The following RCSD1 variants were observed in gnomAD, a reference collection of about 807,000 sequenced individuals.
RCSD1 encodes the protein RCSD domain containing 1.
A neutral mutation model predicts 42.5 loss-of-function variants in RCSD1; 26 were observed. That is an observed-to-expected ratio of 0.61 (90% CI 0.45 to 0.85). The LOEUF (loss-of-function observed/expected upper bound fraction) is 0.85. Ranked by LOEUF, RCSD1 falls within the 40% of genes least tolerant of loss-of-function variation. RCSD1 has a pLI of 0.00. For missense variants in RCSD1, 571 were observed against 528.3 expected (o/e 1.08, Z -0.79); for synonymous variants, 220 against 212.2 (o/e 1.04, Z -0.32).
chr1:167,700,326 G>C (rs935027433), intron 6 of RCSD1, among the ~76,000 whole-genome samples: 1 of 152,120 alleles, frequency 6.6e-6, no homozygotes, highest in Non-Finnish European at 1.5e-5. Context: ...TAAGTTGTTA[G>C]GCAGAGGTGC....
rs78272044 is a variant in RCSD1 at position 167,708,265 on chromosome 1, G to A, written c.*3569G>A. ...TTCCCCAAAGTGAAATCAGGGTGCT[G>A]TTACCAAAAGAAGCTATGCTGGCAG... On this transcript the variant is annotated 3_prime_UTR_variant, in exon 7 of 7. Transcript: ENST00000367854. 8.4e-3 allele frequency among the ~76,000 whole-genome samples: 1,275 copies of A among 152,306 alleles called. 24 individuals are homozygous for A. The highest frequency in any genetic ancestry group is 0.03 in the African/African-American group (1,234 of 41,556).
At chr1:167,637,806 C>T (rs1657899945) in intron 1 of RCSD1, among the ~76,000 whole-genome samples, 1 of 152,112 alleles carries the variant, frequency 6.6e-6, no homozygotes, top group South Asian at 2.1e-4. Context: ...CAGCCCCGCT[C>T]ATTCCTTCCA....
intron 1 of RCSD1, among the ~76,000 whole-genome samples, chr1:167,673,639 T>C (rs921214831): frequency 6.6e-6 from 1 of 152,272 alleles, no homozygotes; most frequent in African/African-American, 2.4e-5. Context: ...ATATAGCTAA[T>C]GAGTTCTGGA....
At chr1:167,659,018 G>T (rs1483824772) in intron 1 of RCSD1, among the ~76,000 whole-genome samples, 1 of 152,126 alleles carries the variant, frequency 6.6e-6, no homozygotes, top group Non-Finnish European at 1.5e-5. Flanking sequence ...ATCAATATAT[G>T]AGGGTTCCTT....
At chr1:167,689,647 G>A (rs1017098991) in intron 3 of RCSD1, among the ~76,000 whole-genome samples, 1 of 152,116 alleles carries the variant, frequency 6.6e-6, no homozygotes, top group African/African-American at 2.4e-5. Context: ...GTTTCTTGTT[G>A]TGTGTGTGAC....
chr1:167,650,427 T>G (rs919630261), intron 1 of RCSD1, among the ~76,000 whole-genome samples: 5 of 152,168 alleles, frequency 3.3e-5, no homozygotes, highest in African/African-American at 1.2e-4. Context: ...GAGGCCAGGC[T>G]GGGCCAGGCC....
At chr1:167,668,802 A>C (rs927269975) in intron 1 of RCSD1, among the ~76,000 whole-genome samples, 6 of 150,736 alleles carry the variant, frequency 4.0e-5, no homozygotes, top group Non-Finnish European at 5.9e-5. Flanking sequence ...ATGGTGGGGA[A>C]GGGGAGCTTC....
chr1:167,641,787 T>A (rs754556629), intron 1 of RCSD1: 6 of 152,136 alleles, frequency 3.9e-5, no homozygotes, highest in Admixed American at 6.5e-5. Context: ...AGAGGGGACA[T>A]AAATGAAAGA....
intron 1 of RCSD1, among the ~76,000 whole-genome samples, chr1:167,632,762 C>A (rs1370210688): frequency 7.1e-6 from 1 of 141,170 alleles, no homozygotes; most frequent in Non-Finnish European, 1.6e-5. Context: ...TTTCTTTGTC[C>A]AAATGCCTGG....
chr1:167,649,029 A>G (rs955232846), intron 1 of RCSD1, among the ~76,000 whole-genome samples: 2 of 152,170 alleles, frequency 1.3e-5, no homozygotes, highest in Non-Finnish European at 2.9e-5. Context: ...AGTGATTGAA[A>G]CAGTTTGGTT....
At chr1:167,635,413 TG>T (rs1469553114) in intron 1 of RCSD1, among the ~76,000 whole-genome samples, 1 of 152,090 alleles carries the variant, frequency 6.6e-6, no homozygotes, top group Non-Finnish European at 1.5e-5. Context: ...AGGGGGAATT[TG>T]GGGAGTGAGA....
chr1:167,681,093 C>A (rs555527031), intron 1 of RCSD1, among the ~76,000 whole-genome samples: 1 of 152,354 alleles, frequency 6.6e-6, no homozygotes, highest in East Asian at 1.9e-4. Flanking sequence ...GATTCATCCC[C>A]AAGACCACAC....
At chr1:167,681,608 A>C (rs1264191077) in intron 1 of RCSD1, among the ~76,000 whole-genome samples, 1 of 152,134 alleles carries the variant, frequency 6.6e-6, no homozygotes, top group Non-Finnish European at 1.5e-5. Flanking sequence ...GGAGCTTTTG[A>C]TTCCTATACA....
intron 2 of RCSD1, 58 bp downstream of exon 2, chr1:167,684,059 C>T: frequency 7.1e-7 from 1 of 1,402,778 alleles, no homozygotes; most frequent in Non-Finnish European, 1.0e-6. Flanking sequence ...AAAGGGAAAT[C>T]TGGTCAGGCC....
chr1:167,693,317 G>A (rs936786481), intron 4 of RCSD1, among the ~76,000 whole-genome samples: 4 of 152,162 alleles, frequency 2.6e-5, no homozygotes, highest in South Asian at 2.1e-4. Context: ...CCCCATGGAC[G>A]CCTTCGGGCA....
chr1:167,634,362 A>C (rs1657777560), intron 1 of RCSD1, among the ~76,000 whole-genome samples: 1 of 150,780 alleles, frequency 6.6e-6, no homozygotes, highest in Non-Finnish European at 1.5e-5. Context: ...AATATTGAAG[A>C]GGGAAGGAAG....
intron 1 of RCSD1, among the ~76,000 whole-genome samples, chr1:167,639,665 G>T (rs149943203): frequency 6.6e-6 from 1 of 152,098 alleles, no homozygotes; most frequent in Non-Finnish European, 1.5e-5. Flanking sequence ...GCTAATTTTT[G>T]TATTTTTTAA....
At position 167,694,031 on chromosome 1, in the gene RCSD1, A is replaced by G. The variant is rs113266486; in HGVS notation, c.271-68A>G. 1.2e-5 allele frequency: 18 copies of G among 1,522,944 alleles called. No homozygotes were observed. In the African/African-American group the frequency reaches 1.9e-4, roughly 16 times the overall value. The allele number at this position is 1,522,944 out of a possible 1,614,324, so 94.3% of individuals were successfully genotyped here. ...AACCAGGCCTGAGGCCAGATAACCAACAAGCTAAAGTAGAGGCTCTGATCT... is the reference window on the plus strand; with the variant it reads ...AACCAGGCCTGAGGCCAGATAACCAGCAAGCTAAAGTAGAGGCTCTGATCT... On this transcript the variant is annotated intron_variant, in intron 4 of 6. Coordinates refer to ENST00000367854, the MANE Select transcript of RCSD1 (RefSeq NM_052862.4).
intron 1 of RCSD1, 113 bp from the exon 2 acceptor site, chr1:167,683,787 T>C: frequency 1.0e-6 from 1 of 973,426 alleles, no homozygotes; most frequent in Admixed American, 2.1e-5. Context: ...TGGATAATGC[T>C]GTTAAAATAC....
Sources: allele counts gnomAD v4.1 joint callset (sites outside exome capture counted in the v4.1 genomes callset), GRCh38; gene constraint gnomAD v4.1.1; transcripts MANE v1.5; gene names NCBI Gene and HGNC (gene_info 2026-07-23, HGNC 2026-07-21).